ZNF664: variants seen among roughly 807,000 people sequenced by gnomAD.
ZNF664 encodes zinc finger protein 664.
In ZNF664, 10 loss-of-function variants were observed where a neutral mutation model predicts 18.2. That is an observed-to-expected ratio of 0.55 (90% CI 0.34 to 0.93). The LOEUF is 0.93. Ranked by LOEUF, ZNF664 falls within the 40% of genes least tolerant of loss-of-function variation. The pLI is 0.02. For missense variants in ZNF664, 193 were observed against 319.0 expected (o/e 0.61, Z 3.01); for synonymous variants, 119 against 104.2 (o/e 1.14, Z -0.86).
chr12:123,997,032 A>G (rs903280633), intron 3 of ZNF664, among the ~76,000 whole-genome samples: 1 of 152,174 alleles, frequency 6.6e-6, no homozygotes, highest in Non-Finnish European at 1.5e-5. Flanking sequence ...GACAGAAGCA[A>G]AGAATAAAAC....
chr12:124,014,842 G>A lies in ZNF664; in HGVS notation c.*1912G>A, dbSNP rs532344281. The A allele has an allele frequency of 1.9e-4, 31 of 166,296 alleles. No individual in the cohort carries two copies. In the South Asian group the frequency reaches 5.8e-3, roughly 31 times the overall value. 10.3% of individuals were successfully genotyped at this position (166,296 alleles called of 1,614,324 possible). On this transcript the variant is annotated 3_prime_UTR_variant, in exon 5 of 5. Transcript: ENST00000337815. The stretch of plus-strand genomic sequence containing the variant: ...GCCATGAAACTAGAGATGGGATTTG[G>A]GGGTGAATTTGTCAATATCTGGATT...
At chr12:123,975,612 A>G (rs910161968) in intron 2 of ZNF664, among the ~76,000 whole-genome samples, 2 of 152,018 alleles carry the variant, frequency 1.3e-5, no homozygotes, top group African/African-American at 4.8e-5. Context: ...TTATTTTTGT[A>G]ATGACAGGCT....
Position 123,988,047 on chromosome 12 carries a change from A to C in ZNF664, c.-752A>C. 8.1e-7 allele frequency: 1 copy of C among 1,231,390 alleles called. No individual in the cohort carries two copies. Among genetic ancestry groups the C allele is most frequent in the Non-Finnish European group, 1.0e-6 (1 of 987,800 alleles). 76.3% of individuals were successfully genotyped at this position (1,231,390 alleles called of 1,614,324 possible). On this transcript the variant is annotated 5_prime_UTR_variant, in exon 3 of 5. Coordinates refer to ENST00000337815, the MANE Select transcript of ZNF664 (RefSeq NM_152437.3). ...CTTTGCATTTCTCCCATCCAGCAGG[A>C]TCCTAAGGCCTTTGTAGTCCTTCAG...
chr12:123,973,634 G>C, intron 1 of ZNF664: 1 of 533,964 alleles, frequency 1.9e-6, no homozygotes, highest in Non-Finnish European at 2.5e-6. Context: ...ATGGCGGCCG[G>C]TGCGAGCGAG....
intron 2 of ZNF664, among the ~76,000 whole-genome samples, chr12:123,986,134 C>T (rs1956821947): frequency 6.6e-6 from 1 of 151,936 alleles, no homozygotes; most frequent in South Asian, 2.1e-4. Flanking sequence ...AGGGGGTGGG[C>T]TTGCCCAGAA....
chr12:124,013,937 G>A lies in ZNF664; in HGVS notation c.*1007G>A, dbSNP rs1367134305. On this transcript the variant is annotated 3_prime_UTR_variant, in exon 5 of 5. Transcript: ENST00000337815. The stretch of plus-strand genomic sequence containing the variant: ...TATCAGTTCTTTGTTAGGCATGAAC[G>A]TCTTTATTAATCCATCATTCTTTTC... The A allele has an allele frequency of 1.2e-5, 2 of 167,032 alleles. No homozygotes were observed. Among genetic ancestry groups the A allele is most frequent in the Non-Finnish European group, 2.9e-5 (2 of 68,126 alleles). 10.3% of individuals were successfully genotyped at this position (167,032 alleles called of 1,614,324 possible).
chr12:123,982,668 G>A (rs555943888), intron 2 of ZNF664, among the ~76,000 whole-genome samples: 72 of 152,344 alleles, frequency 4.7e-4, no homozygotes, highest in Admixed American at 1.0e-3. Context: ...GCTTACAGGA[G>A]CAGATTCATT....
At chr12:124,000,027 T>C (rs763441033) in intron 3 of ZNF664, among the ~76,000 whole-genome samples, 5 of 152,210 alleles carry the variant, frequency 3.3e-5, no homozygotes, top group Admixed American at 6.5e-5. Context: ...AGGGGATGAT[T>C]TCCTTTAGAA....
chr12:123,986,567 C>T lies in ZNF664; in HGVS notation c.-756-1476C>T, dbSNP rs74751788. 6.4e-4 allele frequency among the ~76,000 whole-genome samples: 98 copies of T among 152,354 alleles called. 1 individual carries two copies. Among genetic ancestry groups the T allele is most frequent in the African/African-American group, 2.2e-3 (91 of 41,588 alleles). ...AACCTCTCAGCTTCATCTCTCACAG[C>T]TGATAACCTCATTCTCTCAGTATTG... On this transcript the variant is annotated intron_variant, in intron 2 of 4. Coordinates refer to ENST00000337815, the MANE Select transcript of ZNF664 (RefSeq NM_152437.3).
chr12:123,981,136 G>T (rs1345653073), intron 2 of ZNF664, among the ~76,000 whole-genome samples: 1 of 152,180 alleles, frequency 6.6e-6, no homozygotes, highest in African/African-American at 2.4e-5. Flanking sequence ...GAGTTAAGTT[G>T]AGACAATGCA....
intron 2 of ZNF664, among the ~76,000 whole-genome samples, chr12:123,987,734 C>T (rs1956842012): frequency 6.6e-6 from 1 of 152,124 alleles, no homozygotes; most frequent in South Asian, 2.1e-4. Flanking sequence ...TACCTATGAA[C>T]CTTAAACTCA....
chr12:123,973,345 C>A lies in ZNF664; in HGVS notation c.-899C>A. On this transcript the variant is annotated 5_prime_UTR_variant, in exon 1 of 5. Transcript: ENST00000337815. ...CGCGGCCTGGGGCGCTGACTCCCCT[C>A]ACTTGGAGTGAGTTCTCGGCGGCCG... The A allele has an allele frequency of 2.1e-6, 2 of 949,620 alleles. No homozygotes were observed. Among genetic ancestry groups the A allele is most frequent in the South Asian group, 9.9e-5 (2 of 20,224 alleles). The allele number at this position is 949,620 out of a possible 1,614,324, so 58.8% of individuals were successfully genotyped here.
chr12:123,977,742 G>A (rs555055015), intron 2 of ZNF664, among the ~76,000 whole-genome samples: 1 of 152,228 alleles, frequency 6.6e-6, no homozygotes, highest in East Asian at 1.9e-4. Flanking sequence ...ATATTATAGA[G>A]CCACATTCAT....
chr12:123,987,984 T>C, intron 2 of ZNF664, 59 bp from the exon 3 acceptor site: 1 of 1,230,682 alleles, frequency 8.1e-7, no homozygotes, highest in Non-Finnish European at 1.0e-6. Flanking sequence ...GAAAACATTT[T>C]GTGATCCTAA....
At position 123,973,995 on chromosome 12, in the gene ZNF664, A is replaced by C; in HGVS notation, c.-782A>C. On this transcript the variant is annotated 5_prime_UTR_variant, in exon 2 of 5. Transcript: ENST00000337815. ...CGCCGGACGCCTCCATTGTTTGACC[A>C]CAACAAGGGCCGGATTCTCACCCAG... The C allele has an allele frequency of 8.1e-7, 1 of 1,231,928 alleles. No homozygotes were observed. The highest frequency in any genetic ancestry group is 1.0e-6 in the Non-Finnish European group (1 of 988,126). The allele number at this position is 1,231,928 out of a possible 1,614,324, so 76.3% of individuals were successfully genotyped here.
chr12:123,992,898 G>A (rs1207926495), intron 3 of ZNF664, among the ~76,000 whole-genome samples: 1 of 152,124 alleles, frequency 6.6e-6, no homozygotes, highest in East Asian at 1.9e-4. Flanking sequence ...GGGCTACTCT[G>A]AGTGAAACTC....
At chr12:123,997,497 A>T (rs1373161237) in intron 3 of ZNF664, among the ~76,000 whole-genome samples, 1 of 152,144 alleles carries the variant, frequency 6.6e-6, no homozygotes, top group Non-Finnish European at 1.5e-5. Flanking sequence ...GGTGGTTGCT[A>T]GTAGTCTTTG....
chr12:124,003,683 A>G (rs1447390148), intron 3 of ZNF664: 1 of 152,228 alleles, frequency 6.6e-6, no homozygotes, highest in Non-Finnish European at 1.5e-5. Context: ...AGCGTGAGCC[A>G]ATGCGCCCAG....
At position 124,014,089 on chromosome 12, in the gene ZNF664, A is replaced by G. The variant is rs1294993945; in HGVS notation, c.*1159A>G. 6.0e-6 allele frequency: 1 copy of G among 166,318 alleles called. No individual in the cohort carries two copies. Among genetic ancestry groups the G allele is most frequent in the East Asian group, 1.9e-4 (1 of 5,136 alleles). The allele number at this position is 166,318 out of a possible 1,614,324, so 10.3% of individuals were successfully genotyped here. The stretch of plus-strand genomic sequence containing the variant: ...AGTTTACTTCTGGTGGAGGAGACAG[A>G]TGATAAGTAAACAAATAAATAATGT... On this transcript the variant is annotated 3_prime_UTR_variant, in exon 5 of 5. Transcript: ENST00000337815.
Sources: allele counts gnomAD v4.1 joint callset (sites outside exome capture counted in the v4.1 genomes callset), GRCh38; gene constraint gnomAD v4.1.1; transcripts MANE v1.5; gene names NCBI Gene and HGNC (gene_info 2026-07-23, HGNC 2026-07-21).